Variants in HNF4G observed in about 807,000 individuals in gnomAD.
HNF4G encodes hepatocyte nuclear factor 4-gamma.
A neutral mutation model predicts 50.9 loss-of-function variants in HNF4G; 21 were observed. The ratio of observed to expected loss-of-function variants is 0.41; its 90% CI spans 0.29 to 0.59. The LOEUF (loss-of-function observed/expected upper bound fraction) is 0.59, where lower values mean the gene tolerates loss of function less well. Among genes scored for constraint, HNF4G ranks in the 20% least tolerant of loss-of-function variants. HNF4G has a pLI of 0.26. For synonymous variants in HNF4G, 198 were observed against 185.6 expected (o/e 1.07, Z -0.54); for missense variants, 527 against 559.4 (o/e 0.94, Z 0.58).
intron 1 of HNF4G, among the ~76,000 whole-genome samples, chr8:75,440,312 T>A (rs780469683): frequency 5.3e-5 from 8 of 152,204 alleles, no homozygotes; most frequent in Admixed American, 1.3e-4. Context: ...TAAAGTATGC[T>A]GTCATTGAAA....
chr8:75,470,084 C>T (rs113624671), intron 1 of HNF4G, among the ~76,000 whole-genome samples: 1 of 152,118 alleles, frequency 6.6e-6, no homozygotes, highest in Non-Finnish European at 1.5e-5. Context: ...ACCTACATTG[C>T]CTTCTCCACT....
chr8:75,432,540 A>G (rs922704626), intron 1 of HNF4G, among the ~76,000 whole-genome samples: 3 of 152,154 alleles, frequency 2.0e-5, no homozygotes, highest in Admixed American at 2.0e-4. Flanking sequence ...ATCTCAGGTG[A>G]TCTGCCCGCC....
intron 1 of HNF4G, among the ~76,000 whole-genome samples, chr8:75,467,478 G>A (rs949630719): frequency 6.6e-6 from 1 of 152,164 alleles, no homozygotes; most frequent in South Asian, 2.1e-4. Context: ...TGGCCAACAT[G>A]GTGAAACCCT....
chr8:75,408,669 A>T (rs534087619), intron 1 of HNF4G, among the ~76,000 whole-genome samples: 1 of 152,376 alleles, frequency 6.6e-6, no homozygotes, highest in African/African-American at 2.4e-5. Flanking sequence ...ATAAGCCAGC[A>T]CGTGATAAGA....
chr8:75,407,680 G>A (rs1810393460), upstream of HNF4G, among the ~76,000 whole-genome samples: 1 of 152,228 alleles, frequency 6.6e-6, no homozygotes, highest in Non-Finnish European at 1.5e-5. Flanking sequence ...TCGCCATTGA[G>A]CAAAGCTAAT....
At chr8:75,467,919 G>T (rs1812023293) in intron 1 of HNF4G, among the ~76,000 whole-genome samples, 1 of 152,008 alleles carries the variant, frequency 6.6e-6, no homozygotes, top group Admixed American at 6.6e-5. Context: ...AATGTTCTAG[G>T]TGATTCACAT....
intron 2 of HNF4G, among the ~76,000 whole-genome samples, chr8:75,526,798 G>A (rs1259764936): frequency 1.4e-5 from 2 of 146,706 alleles, no homozygotes; most frequent in African/African-American, 2.5e-5. Context: ...ATGGAGTCTC[G>A]TTCTGTCGCC....
At chr8:75,466,636 C>CCTTCCTTCTCCCTTCCCT (rs1197117089) in intron 1 of HNF4G, among the ~76,000 whole-genome samples, 1 of 38,694 alleles carries the variant, frequency 2.6e-5, no homozygotes, top group Non-Finnish European at 5.4e-5. Flanking sequence ...TTCCTTCCTT[C>CCTTCCTTCTCCCTTCCCT]TCCCTTCCCT....
intron 2 of HNF4G, among the ~76,000 whole-genome samples, chr8:75,512,100 A>G (rs1347268357): frequency 1.2e-4 from 18 of 151,970 alleles, no homozygotes; most frequent in Admixed American, 1.1e-3. Context: ...AATTATTTTG[A>G]GTTTTCTATT....
At chr8:75,462,889 G>A (rs1257533702) in intron 1 of HNF4G, among the ~76,000 whole-genome samples, 2 of 152,098 alleles carry the variant, frequency 1.3e-5, no homozygotes, top group Non-Finnish European at 2.9e-5. Flanking sequence ...AGACAATATA[G>A]TACATGTTGT....
In HNF4G at chr8:75,435,389, T is replaced by C. The variant is rs566170075; in HGVS notation, c.-144+27227T>C. On this transcript the variant is annotated intron_variant, in intron 1 of 10. Transcript: ENST00000354370. Reference sequence around the variant, plus strand: ...TTAAAAAAGCTTAACAACCTAAAAATACAAGAGACTATCTTTACTATAATA... The same window carrying C: ...TTAAAAAAGCTTAACAACCTAAAAACACAAGAGACTATCTTTACTATAATA... 2.0e-5 allele frequency among the ~76,000 whole-genome samples: 3 copies of C among 152,260 alleles called. No individual in the cohort carries two copies. The East Asian group carries it at 5.8e-4, about 29-fold the overall frequency.
At chr8:75,470,050 T>C (rs1812077866) in intron 1 of HNF4G, among the ~76,000 whole-genome samples, 1 of 152,214 alleles carries the variant, frequency 6.6e-6, no homozygotes, top group Non-Finnish European at 1.5e-5. Context: ...ACTTTTTAGA[T>C]GATTCTCTTA....
intron 2 of HNF4G, among the ~76,000 whole-genome samples, chr8:75,517,180 C>T (rs528795050): frequency 7.4e-4 from 113 of 152,280 alleles, no homozygotes; most frequent in Admixed American, 1.9e-3. Context: ...TACCTCCCAT[C>T]GGGTACCTCC....
intron 1 of HNF4G, among the ~76,000 whole-genome samples, chr8:75,444,235 T>A (rs1585848340): frequency 6.6e-6 from 1 of 151,488 alleles, no homozygotes; most frequent in Non-Finnish European, 1.5e-5. Flanking sequence ...TGCTGAGAGA[T>A]TTTGTCACCA....
chr8:75,530,618 T>C (rs1806302736), intron 2 of HNF4G, among the ~76,000 whole-genome samples: 1 of 152,084 alleles, frequency 6.6e-6, no homozygotes, highest in Admixed American at 6.5e-5. Context: ...ATGTATGATT[T>C]TGAGTTCAAA....
At chr8:75,560,501 T>A (rs762451934) in intron 9 of HNF4G, 35 bp downstream of exon 9, 1 of 1,580,520 alleles carries the variant, frequency 6.3e-7, no homozygotes, top group African/African-American at 1.4e-5. Flanking sequence ...CCAAGATATT[T>A]CTTAATTACC....
chr8:75,448,262 A>T (rs1299386449), intron 1 of HNF4G, among the ~76,000 whole-genome samples: 2 of 125,286 alleles, frequency 1.6e-5, no homozygotes, highest in African/African-American at 6.1e-5. Flanking sequence ...GAAGGGGAAT[A>T]CCACACTCTG....
At chr8:75,474,297 A>C (rs1429814185) in intron 1 of HNF4G, among the ~76,000 whole-genome samples, 1 of 152,232 alleles carries the variant, frequency 6.6e-6, no homozygotes, top group Non-Finnish European at 1.5e-5. Flanking sequence ...CTTTTGTGTT[A>C]GTAACAAGAG....
intron 2 of HNF4G, among the ~76,000 whole-genome samples, chr8:75,496,630 A>G (rs1812774348): frequency 6.6e-6 from 1 of 152,086 alleles, no homozygotes; most frequent in Non-Finnish European, 1.5e-5. Flanking sequence ...TAAAAAAAGA[A>G]TCTCTCTACA....
Sources: gnomAD v4.1 joint callset for allele counts (sites outside exome capture counted in the v4.1 genomes callset) on GRCh38, gnomAD v4.1.1 for gene constraint, MANE v1.5 for transcripts, NCBI Gene and HGNC (gene_info 2026-07-23, HGNC 2026-07-21) for gene names.